NTM: variants seen among roughly 807,000 people sequenced by gnomAD.
NTM encodes the protein IgLON family member 2.
NTM carries 13 observed loss-of-function variants against 42.1 expected under a neutral mutation model. That is an observed-to-expected ratio of 0.31 (90% CI 0.20 to 0.49). The LOEUF is 0.49. NTM is among the 20% of genes least tolerant of loss of function. The pLI is 0.99. For synonymous variants in NTM, 187 were observed against 179.2 expected (o/e 1.04, Z -0.35); for missense variants, 373 against 452.8 (o/e 0.82, Z 1.60).
At chr11:131,384,294 T>A (rs1359124750) in intron 1 of NTM, among the ~76,000 whole-genome samples, 4 of 152,096 alleles carry the variant, frequency 2.6e-5, no homozygotes, top group Non-Finnish European at 5.9e-5. Flanking sequence ...AAAAGCAGAT[T>A]GACAAAAAGT....
rs1593377455 is a variant in NTM at position 131,981,873 on chromosome 11, G to A, written c.167+70225G>A. 3.9e-5 allele frequency among the ~76,000 whole-genome samples: 6 copies of A among 152,150 alleles called. No individual in the cohort carries two copies. In the South Asian group the frequency reaches 6.2e-4, roughly 16 times the overall value. On this transcript the variant is annotated intron_variant, in intron 2 of 8. Transcript: ENST00000683400. ...TAAAAAATACAAACATTAGCTGGGC[G>A]TGGTGTCAGGTGCCTGTAATCCCAG...
intron 1 of NTM, among the ~76,000 whole-genome samples, chr11:131,726,013 G>T (rs2078925709): frequency 6.6e-6 from 1 of 152,134 alleles, no homozygotes. Flanking sequence ...TGCTCTAAGA[G>T]AAACAATAGG....
chr11:132,335,863 A>G lies in NTM; in HGVS notation c.*717A>G, dbSNP rs558027215. On this transcript the variant is annotated 3_prime_UTR_variant, in exon 9 of 9. Transcript: ENST00000683400. ...TGCAAAAACAAGACAAAACTAAAAAAATACAACTGAGAAGGGTGAAGAGAA... is the reference window on the plus strand; with the variant it reads ...TGCAAAAACAAGACAAAACTAAAAAGATACAACTGAGAAGGGTGAAGAGAA... The G allele has an allele frequency of 6.6e-6, 1 of 152,664 alleles. No individual in the cohort carries two copies. Among genetic ancestry groups the G allele is most frequent in the African/African-American group, 2.4e-5 (1 of 41,456 alleles). The allele number at this position is 152,664 out of a possible 1,614,324, so 9.5% of individuals were successfully genotyped here.
At position 132,056,752 on chromosome 11, in the gene NTM, C is replaced by T. The variant is rs570086721; in HGVS notation, c.168-89530C>T. 7.9e-5 allele frequency among the ~76,000 whole-genome samples: 12 copies of T among 152,316 alleles called. No individual in the cohort carries two copies. In the South Asian group the frequency reaches 2.3e-3, roughly 29 times the overall value. On this transcript the variant is annotated intron_variant, in intron 2 of 8. Coordinates refer to ENST00000683400, the MANE Select transcript of NTM (RefSeq NM_001352005.2). ...CTGTCATTTCTTCATTTAGCCTGCC[C>T]CTATTTCACTGTTAGCCAAATTCTT...
chr11:132,049,936 A>G (rs1452709447), intron 2 of NTM, among the ~76,000 whole-genome samples: 2 of 152,066 alleles, frequency 1.3e-5, no homozygotes, highest in Non-Finnish European at 2.9e-5. Flanking sequence ...ACAGTTTTTG[A>G]TACACAAAGA....
chr11:131,750,925 C>A (rs1315223489), intron 1 of NTM, among the ~76,000 whole-genome samples: 3 of 152,100 alleles, frequency 2.0e-5, no homozygotes, highest in Admixed American at 1.3e-4. Context: ...TCGGTGTTTC[C>A]AATCCCAGGG....
At chr11:132,232,185 G>C (rs2087726547) in intron 4 of NTM, among the ~76,000 whole-genome samples, 1 of 152,182 alleles carries the variant, frequency 6.6e-6, no homozygotes, top group South Asian at 2.1e-4. Flanking sequence ...AATTCATATT[G>C]ACTATAAACT....
intron 1 of NTM, among the ~76,000 whole-genome samples, chr11:131,439,469 C>G (rs1036498685): frequency 6.6e-6 from 1 of 152,212 alleles, no homozygotes; most frequent in Non-Finnish European, 1.5e-5. Context: ...CCACCCAGTT[C>G]GAGCTTCCCA....
chr11:131,480,616 T>TA (rs1202811126), intron 1 of NTM, among the ~76,000 whole-genome samples: 1 of 152,130 alleles, frequency 6.6e-6, no homozygotes, highest in Non-Finnish European at 1.5e-5. Flanking sequence ...AGCAGTATGA[T>TA]AAAAGGGATT....
At position 131,794,561 on chromosome 11, in the gene NTM, T is replaced by C. The variant is rs185686316; in HGVS notation, c.83-117003T>C. 142 of 985,234 alleles carry C rather than the reference T, an allele frequency of 1.4e-4. No individual in the cohort carries two copies. The African/African-American group carries it at 2.3e-3, about 16-fold the overall frequency. The allele number at this position is 985,234 out of a possible 1,614,324, so 61.0% of individuals were successfully genotyped here. A position where few individuals can be genotyped will look rare whatever the true frequency, so the allele number is the denominator to read the frequency against. The stretch of plus-strand genomic sequence containing the variant: ...GCTTTTTACCTATTCATTCACTGAG[T>C]TCTACAAGTGCTTGAATAAGAAATG... On this transcript the variant is annotated intron_variant, in intron 1 of 8. Transcript: ENST00000683400.
intron 4 of NTM, among the ~76,000 whole-genome samples, chr11:132,241,263 TTAATA>T (rs781645329): frequency 1.3e-5 from 2 of 152,220 alleles, no homozygotes; most frequent in South Asian, 2.1e-4. Context: ...TCTGTAAACT[TTAATA>T]TATGTATTTC....
chr11:131,747,788 T>A (rs752821213), intron 1 of NTM, among the ~76,000 whole-genome samples: 7 of 152,168 alleles, frequency 4.6e-5, no homozygotes, highest in Non-Finnish European at 8.8e-5. Flanking sequence ...ATGCAATTTT[T>A]TCATGTCTCT....
intron 2 of NTM, among the ~76,000 whole-genome samples, chr11:132,090,278 C>G (rs575144854): frequency 1.3e-5 from 2 of 152,290 alleles, no homozygotes; most frequent in Admixed American, 6.5e-5. Flanking sequence ...CTTCTTATAC[C>G]TTGTCTCCTT....
chr11:131,761,484 C>G (rs567700933), intron 1 of NTM, among the ~76,000 whole-genome samples: 30 of 152,118 alleles, frequency 2.0e-4, no homozygotes, highest in African/African-American at 6.0e-4. Context: ...GAGGGTGAGG[C>G]CTGCGTGATT....
intron 2 of NTM, among the ~76,000 whole-genome samples, chr11:132,100,659 T>C (rs780206229): frequency 3.9e-5 from 6 of 152,212 alleles, no homozygotes. Flanking sequence ...AGCAAGGTAT[T>C]ATCAGCTGTT....
chr11:131,991,799 A>G (rs541379612), intron 2 of NTM, among the ~76,000 whole-genome samples: 1 of 152,354 alleles, frequency 6.6e-6, no homozygotes, highest in African/African-American at 2.4e-5. Flanking sequence ...GCATTCACAA[A>G]GGCAGGCAAG....
intron 1 of NTM, among the ~76,000 whole-genome samples, chr11:131,517,104 T>C (rs1439049436): frequency 6.6e-6 from 1 of 152,236 alleles, no homozygotes; most frequent in Non-Finnish European, 1.5e-5. Flanking sequence ...TGAATCTTTT[T>C]GGTGTGATCA....
chr11:131,552,504 CAAA>C (rs36101549), intron 1 of NTM, among the ~76,000 whole-genome samples: 3 of 73,138 alleles, frequency 4.1e-5, no homozygotes, highest in Admixed American at 1.6e-4. Flanking sequence ...GACTCCGTCT[CAAA>C]AAAAAAAAAA....
Position 132,334,234 on chromosome 11 carries a change from G to A in NTM, c.968-812G>A, listed in dbSNP as rs118027523. Among the ~76,000 whole-genome samples the A allele has an allele frequency of 7.9e-5, 12 of 152,364 alleles. No homozygotes were observed. The East Asian group carries it at 2.3e-3, about 29-fold the overall frequency. The stretch of plus-strand genomic sequence containing the variant: ...TATGTTTCAGAACAATAGGGAAGCT[G>A]CTGGGGAACTGTACTGCCTTGCAGT... On this transcript the variant is annotated intron_variant, in intron 8 of 8. Transcript: ENST00000683400.
Sources: gnomAD v4.1 joint callset for allele counts (sites outside exome capture counted in the v4.1 genomes callset) on GRCh38, gnomAD v4.1.1 for gene constraint, MANE v1.5 for transcripts, NCBI Gene and HGNC (gene_info 2026-07-23, HGNC 2026-07-21) for gene names.